Variants in PEX11G observed in about 807,000 individuals in gnomAD.
PEX11G encodes peroxisomal membrane protein 11C.
A neutral mutation model predicts 22.5 loss-of-function variants in PEX11G; 20 were observed. The ratio of observed to expected loss-of-function variants is 0.89; its 90% CI spans 0.62 to 1.29. The LOEUF (loss-of-function observed/expected upper bound fraction) is 1.29. Ranked by LOEUF, PEX11G falls within the 50% of genes most tolerant of loss-of-function variation. The probability of loss-of-function intolerance (pLI) is 0.00; values close to 1 mark genes in which losing one functional copy is unlikely to be tolerated. For missense variants in PEX11G, 347 were observed against 331.3 expected (o/e 1.05, Z -0.37); for synonymous variants, 141 against 154.5 (o/e 0.91, Z 0.65).
chr19:7,482,260 C>G, intron 2 of PEX11G, 49 bp from the exon 3 acceptor site: 1 of 1,500,436 alleles, frequency 6.7e-7, no homozygotes, highest in Non-Finnish European at 8.9e-7. Context: ...TACCCACTGC[C>G]CATTTTAGCA....
chr19:7,481,992 C>T (rs1299284636), intron 3 of PEX11G, 41 bp downstream of exon 3: 3 of 1,506,628 alleles, frequency 2.0e-6, no homozygotes, highest in Non-Finnish European at 2.7e-6. Context: ...GAGGCACCGC[C>T]CAGGGACCTT....
intron 2 of PEX11G, chr19:7,483,343 GGCGGA>G (rs1312396214): frequency 6.6e-6 from 1 of 152,052 alleles, no homozygotes; most frequent in African/African-American, 2.4e-5. Context: ...CCCTGAGGAT[GGCGGA>G]CCCCGCCCCA....
upstream of PEX11G, among the ~76,000 whole-genome samples, chr19:7,489,968 G>T (rs777399994): frequency 2.1e-4 from 32 of 151,190 alleles, no homozygotes; most frequent in Middle Eastern, 6.8e-3. Flanking sequence ...AGCGATTCTC[G>T]TGCCTCAGCT....
intron 1 of PEX11G, among the ~76,000 whole-genome samples, chr19:7,487,894 T>A (rs1015728840): frequency 1.3e-5 from 2 of 152,176 alleles, no homozygotes; most frequent in African/African-American, 4.8e-5. Flanking sequence ...GATATTTGAA[T>A]GGAATCTAAA....
At chr19:7,492,069 G>T (rs537133725), upstream of PEX11G, among the ~76,000 whole-genome samples, 2 of 152,124 alleles carry the variant, frequency 1.3e-5, no homozygotes, top group African/African-American at 4.8e-5. Flanking sequence ...GTTTATCCAC[G>T]TATCAGCTGA....
upstream of PEX11G, among the ~76,000 whole-genome samples, chr19:7,490,642 ATTTTTTTTTTTTTTT>A (rs749165168): frequency 7.3e-5 from 4 of 55,114 alleles, no homozygotes; most frequent in South Asian, 7.5e-4. Flanking sequence ...CCTGGCCTCT[ATTTTTTTTTTTTTTT>A]TTTTTTTTTT....
intron 3 of PEX11G, among the ~76,000 whole-genome samples, chr19:7,480,510 C>T (rs575123954): frequency 1.3e-5 from 2 of 152,182 alleles, no homozygotes; most frequent in East Asian, 3.8e-4. Flanking sequence ...CCTTTTGAGA[C>T]AGCCAAAATG....
chr19:7,486,271 C>T (rs947579195), intron 1 of PEX11G, among the ~76,000 whole-genome samples: 1 of 152,090 alleles, frequency 6.6e-6, no homozygotes, highest in Non-Finnish European at 1.5e-5. Context: ...GGATTACAGG[C>T]GCCCACCACC....
chr19:7,481,512 A>C (rs1977488838), intron 3 of PEX11G, among the ~76,000 whole-genome samples: 1 of 152,186 alleles, frequency 6.6e-6, no homozygotes, highest in South Asian at 2.1e-4. Flanking sequence ...TAAGCTAAGG[A>C]TCTTGAGATG....
At chr19:7,494,001 G>A (rs560582375), upstream of PEX11G, among the ~76,000 whole-genome samples, 1 of 151,832 alleles carries the variant, frequency 6.6e-6, no homozygotes, top group South Asian at 2.1e-4. Flanking sequence ...TCTGCCTCTG[G>A]GTTCAAGTGA....
chr19:7,489,184 G>A, upstream of PEX11G: 1 of 757,784 alleles, frequency 1.3e-6, no homozygotes, highest in Non-Finnish European at 1.6e-6. Context: ...AGGTGGGGCC[G>A]ACACGTGTGT....
At chr19:7,481,300 A>C (rs554198233) in intron 3 of PEX11G, among the ~76,000 whole-genome samples, 1 of 152,050 alleles carries the variant, frequency 6.6e-6, no homozygotes, top group Non-Finnish European at 1.5e-5. Flanking sequence ...CCCCAAATTC[A>C]AGCAATCCTC....
intron 1 of PEX11G, among the ~76,000 whole-genome samples, chr19:7,487,683 A>G (rs1056060450): frequency 8.5e-5 from 13 of 152,086 alleles, no homozygotes; most frequent in African/African-American, 2.4e-4. Flanking sequence ...CAGCCTCCCA[A>G]AGTGCTAGGA....
intron 2 of PEX11G, among the ~76,000 whole-genome samples, chr19:7,484,495 G>A (rs138491983): frequency 1.3e-5 from 2 of 151,336 alleles, no homozygotes; most frequent in East Asian, 2.0e-4. Flanking sequence ...CCACAGGGCC[G>A]GGCACGGTGG....
chr19:7,479,620 C>T (rs528086450), intron 3 of PEX11G, among the ~76,000 whole-genome samples: 1 of 152,370 alleles, frequency 6.6e-6, no homozygotes, highest in East Asian at 1.9e-4. Context: ...TCTCCACCCA[C>T]TCCCCCTGCT....
chr19:7,486,085 C>G (rs999696714), intron 1 of PEX11G, 59 bp from the exon 2 acceptor site: 13 of 1,436,148 alleles, frequency 9.1e-6, no homozygotes, highest in Non-Finnish European at 1.2e-5. Flanking sequence ...TGAGCTGCAT[C>G]CCCCCATACC....
chr19:7,481,772 G>A (rs942783094), intron 3 of PEX11G, among the ~76,000 whole-genome samples: 2 of 150,462 alleles, frequency 1.3e-5, no homozygotes, highest in South Asian at 4.3e-4. Context: ...CCCAGGGAGT[G>A]TTCTGACTTC....
chr19:7,491,750 C>T (rs73001528), upstream of PEX11G, among the ~76,000 whole-genome samples: 57,096 of 151,862 alleles, frequency 0.38, 11,319 homozygotes, highest in African/African-American at 0.51. Flanking sequence ...ACTCCTGGGC[C>T]TGAGAGATCC....
At chr19:7,485,226 G>A (rs966112133) in intron 2 of PEX11G, among the ~76,000 whole-genome samples, 11 of 152,190 alleles carry the variant, frequency 7.2e-5, no homozygotes, top group Admixed American at 6.5e-5. Flanking sequence ...TGCCAGTGCA[G>A]TGGCACAATT....
Sources: gnomAD v4.1 joint callset for allele counts (sites outside exome capture counted in the v4.1 genomes callset) on GRCh38, gnomAD v4.1.1 for gene constraint, MANE v1.5 for transcripts, NCBI Gene and HGNC (gene_info 2026-07-23, HGNC 2026-07-21) for gene names.